The following ZFYVE9 variants were observed in gnomAD, a reference collection of about 807,000 sequenced individuals.
ZFYVE9 encodes zinc finger FYVE-type containing 9.
A neutral mutation model predicts 126.7 loss-of-function variants in ZFYVE9; 43 were observed. That is an observed-to-expected ratio of 0.34 (90% CI 0.27 to 0.44). The LOEUF (loss-of-function observed/expected upper bound fraction) is 0.44. ZFYVE9 is among the 20% of genes least tolerant of loss of function. ZFYVE9 has a pLI of 1.00. For synonymous variants in ZFYVE9, 521 were observed against 597.4 expected (o/e 0.87, Z 1.87); for missense variants, 1,476 against 1,697.0 (o/e 0.87, Z 2.29).
intron 1 of ZFYVE9, among the ~76,000 whole-genome samples, chr1:52,184,328 G>C (rs560381863): frequency 1.1e-3 from 169 of 148,112 alleles, no homozygotes; most frequent in Non-Finnish European, 1.8e-3. Context: ...GGGTTCAAGT[G>C]ATTCTTCTGT....
intron 1 of ZFYVE9, among the ~76,000 whole-genome samples, chr1:52,174,940 G>A (rs1329419597): frequency 1.3e-5 from 2 of 152,076 alleles, no homozygotes; most frequent in African/African-American, 4.8e-5. Context: ...CACACTGATG[G>A]GTCTTGACTC....
At chr1:52,217,059 C>T (rs546636517) in intron 2 of ZFYVE9, among the ~76,000 whole-genome samples, 30 of 151,984 alleles carry the variant, frequency 2.0e-4, no homozygotes, top group Middle Eastern at 3.4e-3. Context: ...AAAAGAAACC[C>T]GCACTTAGAC....
chr1:52,270,544 G>C (rs181726771), intron 7 of ZFYVE9, among the ~76,000 whole-genome samples: 1 of 152,234 alleles, frequency 6.6e-6, no homozygotes, highest in Non-Finnish European at 1.5e-5. Flanking sequence ...GATTACAGGC[G>C]TAAGCCACCG....
intron 13 of ZFYVE9, among the ~76,000 whole-genome samples, chr1:52,327,701 C>T (rs939704279): frequency 5.9e-5 from 9 of 151,974 alleles, no homozygotes; most frequent in Admixed American, 5.9e-4. Flanking sequence ...AGGCCGGGCG[C>T]GATGGCTCAC....
chr1:52,309,409 G>GTCGA, intron 13 of ZFYVE9, among the ~76,000 whole-genome samples: 1 of 152,316 alleles, frequency 6.6e-6, no homozygotes, highest in East Asian at 1.9e-4. Flanking sequence ...AGCCCAGGAA[G>GTCGA]TCGAGACTGC....
intron 13 of ZFYVE9, among the ~76,000 whole-genome samples, chr1:52,317,107 A>T (rs1340015591): frequency 6.6e-6 from 1 of 152,218 alleles, no homozygotes; most frequent in African/African-American, 2.4e-5. Flanking sequence ...CAAAGAATAA[A>T]CCAAAAGGAA....
At chr1:52,326,730 G>C (rs1223936927) in intron 13 of ZFYVE9, among the ~76,000 whole-genome samples, 1 of 151,352 alleles carries the variant, frequency 6.6e-6, no homozygotes, top group Non-Finnish European at 1.5e-5. Flanking sequence ...GGACATGGTG[G>C]CACATGCCTG....
intron 11 of ZFYVE9, among the ~76,000 whole-genome samples, chr1:52,294,362 G>A (rs911420384): frequency 6.6e-6 from 1 of 151,864 alleles, no homozygotes; most frequent in Admixed American, 6.6e-5. Context: ...ATTTTATATT[G>A]GGTTGTTAAC....
chr1:52,157,590 C>G lies in ZFYVE9; in HGVS notation c.-143+15187C>G, dbSNP rs544901875. ...CTAATTTTTGTATTTTTAGTAGAGA[C>G]GGGGGTTTTCACTATGTTGGCCAGG... On this transcript the variant is annotated intron_variant, in intron 1 of 18. Coordinates refer to ENST00000287727, the MANE Select transcript of ZFYVE9 (RefSeq NM_004799.4). 2.6e-5 allele frequency among the ~76,000 whole-genome samples: 4 copies of G among 151,472 alleles called. No homozygotes were observed. The East Asian group carries it at 5.8e-4, about 22-fold the overall frequency.
At chr1:52,286,084 A>G (rs1645855883) in intron 10 of ZFYVE9, among the ~76,000 whole-genome samples, 1 of 151,638 alleles carries the variant, frequency 6.6e-6, no homozygotes. Flanking sequence ...TGAACCCTGG[A>G]GGCAGAGGTT....
At chr1:52,209,224 G>A (rs1645005718) in intron 1 of ZFYVE9, among the ~76,000 whole-genome samples, 1 of 152,184 alleles carries the variant, frequency 6.6e-6, no homozygotes, top group South Asian at 2.1e-4. Flanking sequence ...AAGAAGTGAT[G>A]TCTTGGATAG....
intron 17 of ZFYVE9, 47 bp from the exon 18 acceptor site, chr1:52,344,721 C>T (rs58745889): frequency 0.056 from 90,083 of 1,602,260 alleles, 3,054 homozygotes; most frequent in African/African-American, 0.14. Flanking sequence ...TCTACTTCTC[C>T]CAAAATCTAG....
At chr1:52,161,384 G>C (rs1267777403) in intron 1 of ZFYVE9, among the ~76,000 whole-genome samples, 1 of 152,152 alleles carries the variant, frequency 6.6e-6, no homozygotes, top group African/African-American at 2.4e-5. Flanking sequence ...CCGCCTCCTG[G>C]GTTCAAGCGA....
intron 10 of ZFYVE9, among the ~76,000 whole-genome samples, chr1:52,285,497 C>G (rs1645849605): frequency 6.6e-6 from 1 of 152,090 alleles, no homozygotes; most frequent in Admixed American, 6.6e-5. Flanking sequence ...CCTCTCAGAT[C>G]AGCAGCGGTA....
rs55941704 is a variant in ZFYVE9, at chr1:52,263,762, C to T, written c.2179-11C>T. On this transcript the variant is annotated splice_polypyrimidine_tract_variant and intron_variant, in intron 4 of 18. Coordinates refer to ENST00000287727, the MANE Select transcript of ZFYVE9 (RefSeq NM_004799.4). ...AAATTTTGTGTGTTCTTCCCCCCCC[C>T]CCCCCCACAGGTTTTCTGTGCTTCC... 77 of 935,602 alleles carry T rather than the reference C, an allele frequency of 8.2e-5. 10 individuals carry two copies. In the Admixed American group the frequency reaches 8.4e-4, roughly 10 times the overall value. The allele number at this position is 935,602 out of a possible 1,614,324, so 58.0% of individuals were successfully genotyped here. A position where few individuals can be genotyped will look rare whatever the true frequency, so the allele number is the denominator to read the frequency against.
intron 11 of ZFYVE9, among the ~76,000 whole-genome samples, chr1:52,295,492 G>A (rs1645964748): frequency 6.6e-6 from 1 of 151,892 alleles, no homozygotes; most frequent in South Asian, 2.1e-4. Flanking sequence ...CAAGTAGATG[G>A]GACTACAGGT....
At chr1:52,201,368 T>C (rs1056730131) in intron 1 of ZFYVE9, among the ~76,000 whole-genome samples, 2 of 139,222 alleles carry the variant, frequency 1.4e-5, no homozygotes, top group Non-Finnish European at 3.0e-5. Flanking sequence ...TGGAGGGTTT[T>C]TGGTAATTTT....
chr1:52,208,097 G>A (rs560983617), intron 1 of ZFYVE9, among the ~76,000 whole-genome samples: 1 of 152,184 alleles, frequency 6.6e-6, no homozygotes, highest in Admixed American at 6.5e-5. Flanking sequence ...AAGGCAGGAG[G>A]ATTGCTTGAT....
intron 1 of ZFYVE9, among the ~76,000 whole-genome samples, chr1:52,182,945 G>A (rs1461796306): frequency 5.3e-5 from 8 of 151,938 alleles, no homozygotes; most frequent in African/African-American, 1.7e-4. Context: ...AGTTTTAAAT[G>A]TGAATAAATT....
Sources: allele counts gnomAD v4.1 joint callset (sites outside exome capture counted in the v4.1 genomes callset), GRCh38; gene constraint gnomAD v4.1.1; transcripts MANE v1.5; gene names NCBI Gene and HGNC (gene_info 2026-07-23, HGNC 2026-07-21).